Variants in ROBO2 observed in about 807,000 individuals in gnomAD.
ROBO2 encodes roundabout homolog 2.
ROBO2 carries 53 observed loss-of-function variants against 160.8 expected under a neutral mutation model. That is an observed-to-expected ratio of 0.33 (90% CI 0.26 to 0.41). The LOEUF (loss-of-function observed/expected upper bound fraction) is 0.41, where lower values mean the gene tolerates loss of function less well. Ranked by LOEUF, ROBO2 falls within the 10% of genes least tolerant of loss-of-function variation. The pLI is 1.00. For synonymous variants in ROBO2, 664 were observed against 611.7 expected (o/e 1.09, Z -1.26); for missense variants, 1,577 against 1,722.4 (o/e 0.92, Z 1.49).
rs554132409 is a variant in ROBO2, at chr3:77,270,616, A to G, written c.388+172276A>G. Among the ~76,000 whole-genome samples, 5 of 152,228 alleles carry G rather than the reference A, an allele frequency of 3.3e-5. No homozygotes were observed. In the East Asian group the frequency reaches 5.8e-4, roughly 18 times the overall value. On this transcript the variant is annotated intron_variant, in intron 2 of 25. Transcript: ENST00000461745. ...ACTTAGGATTGAAATGGCATGTTAA[A>G]TACTAAAGGAAAATTGGAATTTGTT... is the stretch of plus-strand genomic sequence containing the variant.
intron 2 of ROBO2, among the ~76,000 whole-genome samples, chr3:76,297,211 A>G (rs2107725639): frequency 6.6e-6 from 1 of 152,332 alleles, no homozygotes; most frequent in South Asian, 2.1e-4. Flanking sequence ...TTTTACAGAT[A>G]AGGAAATTAA....
rs545798762 is a variant in ROBO2 at position 76,937,900 on chromosome 3, A to G, written c.110-160114A>G. 1.1e-4 allele frequency among the ~76,000 whole-genome samples: 17 copies of G among 152,328 alleles called. No homozygotes were observed. In the East Asian group the frequency reaches 3.3e-3, roughly 29 times the overall value. ...TACCTACCCATACGTATTCGGGAAT[A>G]TTCACTTAGAACCGTATCTTGTTCT... On this transcript the variant is annotated intron_variant, in intron 2 of 26. Coordinates refer to the ROBO2 transcript ENST00000487694.
At chr3:76,588,150 T>G (rs1277322355) in intron 2 of ROBO2, among the ~76,000 whole-genome samples, 1 of 152,210 alleles carries the variant, frequency 6.6e-6, no homozygotes, top group East Asian at 1.9e-4. Context: ...TACATTGTCT[T>G]TCTCTTCTCA....
At chr3:76,467,347 G>A (rs1168274357) in intron 2 of ROBO2, among the ~76,000 whole-genome samples, 1 of 152,056 alleles carries the variant, frequency 6.6e-6, no homozygotes, top group Non-Finnish European at 1.5e-5. Flanking sequence ...AAGAAAACAA[G>A]ATTTAGCTAT....
intron 2 of ROBO2, among the ~76,000 whole-genome samples, chr3:76,211,179 A>G (rs1480932498): frequency 1.3e-5 from 2 of 152,122 alleles, no homozygotes; most frequent in African/African-American, 4.8e-5. Context: ...TTCAGGAGCC[A>G]TACTTACCCT....
intron 2 of ROBO2, among the ~76,000 whole-genome samples, chr3:76,202,924 G>A (rs1229602042): frequency 6.6e-6 from 1 of 151,966 alleles, no homozygotes; most frequent in African/African-American, 2.4e-5. Context: ...GTGACACTGT[G>A]TTCAGGTGTC....
In ROBO2 at chr3:76,045,926, A is replaced by G. The variant is rs1213208580; in HGVS notation, c.109+108324A>G. Among the ~76,000 whole-genome samples, 6 of 151,948 alleles carry G rather than the reference A, an allele frequency of 3.9e-5. No individual in the cohort carries two copies. The East Asian group carries it at 5.8e-4, about 15-fold the overall frequency. On this transcript the variant is annotated intron_variant, in intron 2 of 26. Coordinates refer to the ROBO2 transcript ENST00000487694. ...TTATTTTTGACAAATTACTGCCAGT[A>G]TGCTTTATGGAATGCAGCTGTTGAA...
intron 2 of ROBO2, among the ~76,000 whole-genome samples, chr3:77,434,687 A>G (rs2079110732): frequency 6.6e-6 from 1 of 152,130 alleles, no homozygotes; most frequent in African/African-American, 2.4e-5. Flanking sequence ...ATTACCATGC[A>G]TAATGAAAAG....
At chr3:77,118,947 C>T (rs1293431614) in intron 2 of ROBO2, among the ~76,000 whole-genome samples, 1 of 152,102 alleles carries the variant, frequency 6.6e-6, no homozygotes, top group Non-Finnish European at 1.5e-5. Flanking sequence ...TCTGTGTCGC[C>T]ACCCAAATCT....
At chr3:76,486,465 C>T (rs1416321682) in intron 2 of ROBO2, among the ~76,000 whole-genome samples, 4 of 152,092 alleles carry the variant, frequency 2.6e-5, no homozygotes, top group Non-Finnish European at 5.9e-5. Context: ...TTAGATGCAA[C>T]ACCTATCCTT....
chr3:75,924,108 C>CT (rs1372383879), intron 1 of ROBO2, among the ~76,000 whole-genome samples: 3 of 152,070 alleles, frequency 2.0e-5, no homozygotes, highest in Non-Finnish European at 4.4e-5. Flanking sequence ...CATAACTTTA[C>CT]TTTTTTCTCA....
rs572850470 is a variant in ROBO2 at position 76,752,529 on chromosome 3, A to G, written c.110-345485A>G. Among the ~76,000 whole-genome samples the G allele has an allele frequency of 3.9e-5, 6 of 151,932 alleles. No individual in the cohort carries two copies. In the East Asian group the frequency reaches 7.8e-4, roughly 20 times the overall value. On this transcript the variant is annotated intron_variant, in intron 2 of 26. Coordinates refer to the ROBO2 transcript ENST00000487694. ...ACATTTTTTCTCTAGATTAGTCCAGAAGTGTTCAAGATTGAGGAGGTGTTA... is the reference window on the plus strand; with the variant it reads ...ACATTTTTTCTCTAGATTAGTCCAGGAGTGTTCAAGATTGAGGAGGTGTTA...
chr3:76,238,091 A>T (rs147915048), intron 2 of ROBO2, among the ~76,000 whole-genome samples: 4,956 of 152,274 alleles, frequency 0.033, 97 homozygotes, highest in South Asian at 0.079. Context: ...CATGAAATGG[A>T]CTTTTTGACC....
chr3:76,782,837 G>T (rs2062735707), intron 2 of ROBO2, among the ~76,000 whole-genome samples: 1 of 150,378 alleles, frequency 6.6e-6, no homozygotes, highest in Admixed American at 6.7e-5. Context: ...TATTTTGATT[G>T]AAAAATTTCA....
chr3:76,899,893 C>T (rs762755702), intron 2 of ROBO2, among the ~76,000 whole-genome samples: 15 of 152,034 alleles, frequency 9.9e-5, no homozygotes, highest in Non-Finnish European at 7.4e-5. Flanking sequence ...TAGGGAATTC[C>T]TTGGGAGCAA....
At chr3:77,198,581 G>T (rs1441966) in intron 2 of ROBO2, among the ~76,000 whole-genome samples, 13 of 152,066 alleles carry the variant, frequency 8.5e-5, no homozygotes, top group African/African-American at 3.1e-4. Context: ...TTTTTCAGCC[G>T]GGCCCCAAAA....
At chr3:76,986,659 A>G (rs2149351949) in intron 2 of ROBO2, among the ~76,000 whole-genome samples, 1 of 152,306 alleles carries the variant, frequency 6.6e-6, no homozygotes, top group African/African-American at 2.4e-5. Flanking sequence ...AATAGTAATT[A>G]TTGCCAACAC....
chr3:77,370,454 ACTCT>A (rs890907494), intron 2 of ROBO2, among the ~76,000 whole-genome samples: 1 of 152,036 alleles, frequency 6.6e-6, no homozygotes, highest in African/African-American at 2.4e-5. Context: ...CTTAGTTGCC[ACTCT>A]CTCTCATTCT....
At chr3:77,564,589 G>GTA (rs148921860) in intron 11 of ROBO2, 214 of 400,704 alleles carry the variant, frequency 5.3e-4, no homozygotes, top group African/African-American at 2.1e-3. Context: ...TCTTTTCAAG[G>GTA]TATATATATA....
Sources: allele counts gnomAD v4.1 joint callset (sites outside exome capture counted in the v4.1 genomes callset), GRCh38; gene constraint gnomAD v4.1.1; transcripts MANE v1.5; gene names NCBI Gene and HGNC (gene_info 2026-07-23, HGNC 2026-07-21).